ANKFY1: variants seen among roughly 807,000 people sequenced by gnomAD.
ANKFY1 encodes the protein ankyrin repeat and FYVE domain-containing protein 1.
Under a neutral mutation model 128.3 loss-of-function variants are expected in ANKFY1, and 47 were observed. The ratio of observed to expected loss-of-function variants is 0.37; its 90% CI spans 0.29 to 0.47. The LOEUF (loss-of-function observed/expected upper bound fraction) is 0.47. Among genes scored for constraint, ANKFY1 ranks in the 20% least tolerant of loss-of-function variants. The pLI, the probability that ANKFY1 is intolerant of heterozygous loss-of-function variation, is 1.00. For missense variants in ANKFY1, 1,222 were observed against 1,510.6 expected, an observed-to-expected ratio of 0.81 and a Z score of 3.17; for synonymous variants, 553 against 601.6, an observed-to-expected ratio of 0.92 and a Z score of 1.18.
At chr17:4,179,295 C>T (rs768376522) in intron 17 of ANKFY1, 1 of 577,734 alleles carries the variant, frequency 1.7e-6, no homozygotes, top group Non-Finnish European at 3.1e-6. Context: ...TGTTTCACAT[C>T]TGCAGTGAGT....
Position 4,183,571 on chromosome 17 carries a change from C to T in ANKFY1, c.1799-20G>A, listed in dbSNP as rs752813351. On this transcript the variant is annotated intron_variant, in intron 13 of 24. Transcript: ENST00000341657. ...GCATGCCTGGGAAACAAGCCCCGAT[C>T]TCATCCAGGCTCGGCTTTTCCCGCT... is the stretch of plus-strand genomic sequence containing the variant. The T allele has an allele frequency of 2.4e-5, 38 of 1,606,766 alleles. No homozygotes were observed. Among genetic ancestry groups the T allele is most frequent in the Admixed American group, 8.3e-5 (5 of 59,966 alleles).
chr17:4,216,701 C>A, intron 4 of ANKFY1: 1 of 412,920 alleles, frequency 2.4e-6, no homozygotes, highest in Non-Finnish European at 4.6e-6. Context: ...AAAGTTTGGA[C>A]ATTGGATTAT....
chr17:4,183,200 A>G (rs572253555), intron 14 of ANKFY1, among the ~76,000 whole-genome samples, 198 bp downstream of exon 14: 24 of 152,262 alleles, frequency 1.6e-4, no homozygotes, highest in Non-Finnish European at 2.9e-4. Flanking sequence ...AGAGCAAAGG[A>G]CAGTTCCTTT....
intron 11 of ANKFY1, among the ~76,000 whole-genome samples, 160 bp from the exon 12 acceptor site, chr17:4,185,206 T>G (rs2059589788): frequency 6.6e-6 from 1 of 152,116 alleles, no homozygotes; most frequent in Non-Finnish European, 1.5e-5. Context: ...GCTCTCAGTA[T>G]CTTTTTTTGT....
chr17:4,223,783 G>C, intron 3 of ANKFY1: 7 of 1,533,356 alleles, frequency 4.6e-6, no homozygotes, highest in Non-Finnish European at 6.3e-6. Flanking sequence ...TTCAGCAGCT[G>C]GTACAGTGTC....
intron 22 of ANKFY1, among the ~76,000 whole-genome samples, chr17:4,171,472 C>T (rs528358206): frequency 6.6e-6 from 1 of 152,254 alleles, no homozygotes; most frequent in East Asian, 1.9e-4. Flanking sequence ...TCATTTAACT[C>T]TGAAAATCAT....
At chr17:4,256,802 T>TA (rs1968155847) in intron 1 of ANKFY1, among the ~76,000 whole-genome samples, 1 of 152,182 alleles carries the variant, frequency 6.6e-6, no homozygotes, top group African/African-American at 2.4e-5. Context: ...TACCGTGAAA[T>TA]ACGTTTTTCC....
chr17:4,219,777 T>C (rs1050253148), intron 3 of ANKFY1, among the ~76,000 whole-genome samples: 1 of 152,258 alleles, frequency 6.6e-6, no homozygotes, highest in South Asian at 2.1e-4. Context: ...GTAGTTACTA[T>C]GTTAAAGTTT....
chr17:4,203,827 C>CAAAAAAAAAAAAA (rs773865349), intron 7 of ANKFY1, among the ~76,000 whole-genome samples: 28 of 77,748 alleles, frequency 3.6e-4, no homozygotes, highest in South Asian at 6.8e-4. Context: ...ACAACAACAA[C>CAAAAAAAAAAAAA]AAAAAAAAAA....
chr17:4,204,884 C>T (rs755239930), intron 7 of ANKFY1, among the ~76,000 whole-genome samples: 4 of 152,192 alleles, frequency 2.6e-5, no homozygotes, highest in Non-Finnish European at 4.4e-5. Flanking sequence ...CTGCTCTTGA[C>T]ACTGACATAC....
intron 10 of ANKFY1, chr17:4,194,608 C>T (rs1317996753): frequency 4.0e-6 from 1 of 249,522 alleles, no homozygotes; most frequent in East Asian, 1.0e-4. Context: ...CAAGGAAATA[C>T]ATTAAAACAG....
intron 2 of ANKFY1, among the ~76,000 whole-genome samples, chr17:4,238,972 G>T (rs1357343504): frequency 6.6e-6 from 1 of 151,994 alleles, no homozygotes; most frequent in Admixed American, 6.6e-5. Flanking sequence ...TGGCCAGGCT[G>T]GTGTCAAACT....
At chr17:4,242,148 A>T in intron 2 of ANKFY1, 108 bp downstream of exon 2, 1 of 1,179,746 alleles carries the variant, frequency 8.5e-7, no homozygotes, top group Non-Finnish European at 1.1e-6. Flanking sequence ...CGATTTGCTA[A>T]TATCCTCATT....
chr17:4,222,395 C>A, intron 3 of ANKFY1: 1 of 788,740 alleles, frequency 1.3e-6, no homozygotes, highest in Non-Finnish European at 2.3e-6. Flanking sequence ...CCCAGTGAGA[C>A]AAATTTCCTG....
At chr17:4,244,392 G>A (rs917749185) in intron 1 of ANKFY1, among the ~76,000 whole-genome samples, 2 of 152,172 alleles carry the variant, frequency 1.3e-5, no homozygotes, top group African/African-American at 4.8e-5. Flanking sequence ...TGAGGAAGCC[G>A]TCATGAAACT....
intron 1 of ANKFY1, among the ~76,000 whole-genome samples, chr17:4,251,789 C>A (rs947695796): frequency 5.3e-5 from 8 of 152,106 alleles, no homozygotes; most frequent in African/African-American, 1.9e-4. Context: ...AATCCCAGCA[C>A]TTTGGGAGGC....
chr17:4,208,274 T>A, intron 5 of ANKFY1, 192 bp from the exon 6 acceptor site: 1 of 503,972 alleles, frequency 2.0e-6, no homozygotes, highest in Non-Finnish European at 3.4e-6. Context: ...GAAAATATTA[T>A]GGCATAAAGA....
At position 4,185,196 on chromosome 17, in the gene ANKFY1, G is replaced by A. The variant is rs147816112; in HGVS notation, c.1471-150C>T. ...TCTGTTCTCTTTCTCCTGAGCCATC[G>A]CTCTCAGTATCTTTTTTTGTTTGTT... On this transcript the variant is annotated intron_variant, in intron 11 of 24. Coordinates refer to ENST00000341657, the MANE Select transcript of ANKFY1 (RefSeq NM_001330063.2). 2,431 of 735,254 alleles carry A rather than the reference G, an allele frequency of 3.3e-3. 59 individuals are homozygous for A. The Admixed American group carries it at 0.039, about 12-fold the overall frequency. 45.5% of individuals were successfully genotyped at this position (735,254 alleles called of 1,614,324 possible). A position where few individuals can be genotyped will look rare whatever the true frequency, so the allele number is the denominator to read the frequency against.
chr17:4,254,531 C>T (rs1049746356), intron 1 of ANKFY1, among the ~76,000 whole-genome samples: 1 of 152,090 alleles, frequency 6.6e-6, no homozygotes, highest in African/African-American at 2.4e-5. Context: ...CCTACTGAGA[C>T]CTTGATTTGA....
Sources: allele counts gnomAD v4.1 joint callset (sites outside exome capture counted in the v4.1 genomes callset), GRCh38; gene constraint gnomAD v4.1.1; transcripts MANE v1.5; gene names NCBI Gene and HGNC (gene_info 2026-07-23, HGNC 2026-07-21).